Variants in GPC5 observed in about 807,000 individuals in gnomAD.
GPC5 encodes the protein glypican 5, also known as glypican-5.
In GPC5, 47 loss-of-function variants were observed where a neutral mutation model predicts 53.9. That is an observed-to-expected ratio of 0.87 (90% CI 0.69 to 1.11). The LOEUF is 1.11. Among genes scored for constraint, GPC5 ranks in the 50% most tolerant of loss-of-function variants. GPC5 has a pLI of 0.00. For missense variants in GPC5, 748 were observed against 713.1 expected (o/e 1.05, Z -0.56); for synonymous variants, 286 against 263.3 (o/e 1.09, Z -0.84).
At chr13:91,406,711 C>A (rs1362316018) in intron 1 of GPC5, among the ~76,000 whole-genome samples, 1 of 152,124 alleles carries the variant, frequency 6.6e-6, no homozygotes, top group East Asian at 1.9e-4. Context: ...TTCCCCTTCT[C>A]CTGGGAGTTC....
At position 92,103,444 on chromosome 13, in the gene GPC5, T is replaced by C. The variant is rs2041482440; in HGVS notation, c.1402-41386T>C. ...TTCTAAATATTTATCTCACTTCTTTTAAACAAACATACTTAAATTGTGGCT... is the reference window on the plus strand; with the variant it reads ...TTCTAAATATTTATCTCACTTCTTTCAAACAAACATACTTAAATTGTGGCT... On this transcript the variant is annotated intron_variant, in intron 6 of 7. Coordinates refer to ENST00000377067, the MANE Select transcript of GPC5 (RefSeq NM_004466.6). Among the ~76,000 whole-genome samples, 3 of 152,180 alleles carry C rather than the reference T, an allele frequency of 2.0e-5. No homozygotes were observed. The South Asian group carries it at 6.2e-4, about 31-fold the overall frequency.
chr13:91,523,204 A>G (rs1203499282), intron 2 of GPC5, among the ~76,000 whole-genome samples: 2 of 152,214 alleles, frequency 1.3e-5, no homozygotes, highest in African/African-American at 4.8e-5. Flanking sequence ...AAAATTAAAA[A>G]TAGAACTACC....
chr13:92,829,168 A>G (rs1192647311), intron 7 of GPC5, among the ~76,000 whole-genome samples: 1 of 152,186 alleles, frequency 6.6e-6, no homozygotes, highest in Non-Finnish European at 1.5e-5. Context: ...GAATGCCCAT[A>G]TGTCAAGATC....
rs938207317 is a variant in GPC5 at position 91,399,182 on chromosome 13, A to G, written c.136A>G (p.Arg46Gly). 1.9e-6 allele frequency: 3 copies of G among 1,612,448 alleles called. No individual in the cohort carries two copies. Among genetic ancestry groups the G allele is most frequent in the Admixed American group, 3.3e-5 (2 of 59,998 alleles). The stretch of plus-strand genomic sequence containing the variant: ...CCAGTGGCGGCTGCTGGGAGCTGTC[A>G]GGGGGCTGCCGGATTCGCCGCGGGC... ...LFQWRLLGAVRGLPDSPRAGP... is the reference protein window; with the variant it reads ...LFQWRLLGAVGGLPDSPRAGP... The change falls in exon 1 of 8, where the codon AGG becomes GGG. Residue 46 changes from arginine (R) to glycine (G), a missense_variant. By Grantham distance (125) the Arg-to-Gly change is moderately radical. Coordinates refer to ENST00000377067, the MANE Select transcript of GPC5 (RefSeq NM_004466.6).
intron 2 of GPC5, among the ~76,000 whole-genome samples, chr13:91,674,608 C>A (rs557766572): frequency 7.0e-6 from 1 of 142,838 alleles, no homozygotes; most frequent in Non-Finnish European, 1.5e-5. Context: ...CATATATATG[C>A]GTATGTGTAT....
intron 7 of GPC5, among the ~76,000 whole-genome samples, chr13:92,838,790 C>T (rs72642616): frequency 0.13 from 20,323 of 152,088 alleles, 1,490 homozygotes; most frequent in African/African-American, 0.19. Flanking sequence ...AAATGCAAAT[C>T]ATAGAACTAA....
rs532558384 is a variant in GPC5, at chr13:91,571,463, A to C, written c.326-121724A>C. Among the ~76,000 whole-genome samples the C allele has an allele frequency of 3.3e-5, 5 of 152,236 alleles. No individual in the cohort carries two copies. In the East Asian group the frequency reaches 9.7e-4, roughly 29 times the overall value. ...AAGGATGCCTCAAACTGACAAGCAC[A>C]GTAACAATTATGAAAATTTTATGTG... On this transcript the variant is annotated intron_variant, in intron 2 of 7. Coordinates refer to ENST00000377067, the MANE Select transcript of GPC5 (RefSeq NM_004466.6).
intron 5 of GPC5, among the ~76,000 whole-genome samples, chr13:91,870,517 A>G (rs191324314): frequency 6.6e-6 from 1 of 152,316 alleles, no homozygotes; most frequent in African/African-American, 2.4e-5. Flanking sequence ...ATGACTAATA[A>G]GCAGACGCCA....
chr13:92,126,817 A>AGTGTGTGT (rs71120073), intron 6 of GPC5, among the ~76,000 whole-genome samples: 1 of 149,920 alleles, frequency 6.7e-6, no homozygotes, highest in African/African-American at 2.4e-5. Context: ...GAAAAGTTGG[A>AGTGTGTGT]GTGTGTGTGT....
chr13:92,135,808 C>T (rs1221998052), intron 6 of GPC5, among the ~76,000 whole-genome samples: 2 of 152,090 alleles, frequency 1.3e-5, no homozygotes, highest in African/African-American at 2.4e-5. Context: ...ACAAGAAATC[C>T]GACAGAAATG....
chr13:92,204,991 G>A (rs1440878279), intron 7 of GPC5, among the ~76,000 whole-genome samples: 1 of 151,980 alleles, frequency 6.6e-6, no homozygotes, highest in Non-Finnish European at 1.5e-5. Context: ...CCATTCTCCT[G>A]CCTCAGCCTC....
At chr13:91,571,886 C>CACACACATACGTGTGT (rs2031848720) in intron 2 of GPC5, among the ~76,000 whole-genome samples, 1 of 64,982 alleles carries the variant, frequency 1.5e-5, no homozygotes, top group East Asian at 3.7e-4. Flanking sequence ...CACACATATA[C>CACACACATACGTGTGT]GTGTGTATAT....
rs1245647361 is a variant in GPC5 at position 92,783,941 on chromosome 13, C to T, written c.1562-82341C>T. ...TTTTACTTCTGTTTAAATCCAGTAA[C>T]TGAAAATGATCATCCCCCTTCATAT... On this transcript the variant is annotated intron_variant, in intron 7 of 7. Transcript: ENST00000377067. Among the ~76,000 whole-genome samples, 4 of 152,096 alleles carry T rather than the reference C, an allele frequency of 2.6e-5. No individual in the cohort carries two copies. The East Asian group carries it at 7.7e-4, about 29-fold the overall frequency.
At chr13:92,014,091 T>G (rs1484780444) in intron 6 of GPC5, among the ~76,000 whole-genome samples, 1 of 152,208 alleles carries the variant, frequency 6.6e-6, no homozygotes, top group Non-Finnish European at 1.5e-5. Flanking sequence ...TTTTTATAAA[T>G]AGTAGATTCC....
At chr13:92,681,200 A>T (rs537985587) in intron 7 of GPC5, among the ~76,000 whole-genome samples, 1 of 151,386 alleles carries the variant, frequency 6.6e-6, no homozygotes, top group African/African-American at 2.4e-5. Context: ...TTGATAAAAT[A>T]AAAAAAATTC....
chr13:91,759,939 A>G (rs1414410537), intron 5 of GPC5, among the ~76,000 whole-genome samples: 1 of 152,128 alleles, frequency 6.6e-6, no homozygotes, highest in African/African-American at 2.4e-5. Flanking sequence ...TTCTGCATAG[A>G]GTATTTCTGG....
intron 7 of GPC5, among the ~76,000 whole-genome samples, chr13:92,845,707 A>G (rs1878590352): frequency 6.6e-6 from 1 of 152,190 alleles, no homozygotes; most frequent in African/African-American, 2.4e-5. Flanking sequence ...GAAATTAACC[A>G]TCACACTATC....
chr13:91,682,322 A>G (rs188982219), intron 2 of GPC5, among the ~76,000 whole-genome samples: 1 of 152,214 alleles, frequency 6.6e-6, no homozygotes, highest in African/African-American at 2.4e-5. Flanking sequence ...TGGCAAGTAC[A>G]TGGCAAAAGT....
At chr13:92,573,327 T>G (rs562384458) in intron 7 of GPC5, among the ~76,000 whole-genome samples, 3 of 152,232 alleles carry the variant, frequency 2.0e-5, no homozygotes, top group African/African-American at 7.2e-5. Flanking sequence ...TAAGGGTAAC[T>G]GGCACTAAGC....
Sources: gnomAD v4.1 joint callset for allele counts (sites outside exome capture counted in the v4.1 genomes callset) on GRCh38, gnomAD v4.1.1 for gene constraint, MANE v1.5 for transcripts, NCBI Gene and HGNC (gene_info 2026-07-23, HGNC 2026-07-21) for gene names.